The following STK32B variants were observed in gnomAD, a reference collection of about 807,000 sequenced individuals.
STK32B encodes the protein serine/threonine kinase 32B.
STK32B carries 43 observed loss-of-function variants against 52.6 expected under a neutral mutation model. That is an observed-to-expected ratio of 0.82 (90% CI 0.64 to 1.05). The LOEUF is 1.05. STK32B is among the 50% of genes least tolerant of loss of function. The pLI, the probability that STK32B is intolerant of heterozygous loss-of-function variation, is 0.00. For synonymous variants in STK32B, 238 were observed against 204.3 expected, an observed-to-expected ratio of 1.17 and a Z score of -1.41; for missense variants, 621 against 534.6, an observed-to-expected ratio of 1.16 and a Z score of -1.59.
intron 11 of STK32B, among the ~76,000 whole-genome samples, chr4:5,482,956 A>AAG (rs1245379021): frequency 1.3e-5 from 2 of 152,196 alleles, no homozygotes; most frequent in Non-Finnish European, 2.9e-5. Flanking sequence ...CATGGTGGAT[A>AAG]AGCTTTTTGA....
intron 4 of STK32B, among the ~76,000 whole-genome samples, chr4:5,341,900 G>T (rs959999340): frequency 1.3e-5 from 2 of 151,980 alleles, no homozygotes; most frequent in Non-Finnish European, 2.9e-5. Context: ...CAACCTTCAG[G>T]TTTGTTATAT....
At chr4:5,117,450 C>T (rs992286376) in intron 1 of STK32B, among the ~76,000 whole-genome samples, 1 of 152,012 alleles carries the variant, frequency 6.6e-6, no homozygotes, top group African/African-American at 2.4e-5. Flanking sequence ...TTGTCAACTC[C>T]AGATGAGAAA....
At chr4:5,216,098 C>G (rs184344383) in intron 3 of STK32B, among the ~76,000 whole-genome samples, 1 of 152,154 alleles carries the variant, frequency 6.6e-6, no homozygotes, top group Non-Finnish European at 1.5e-5. Context: ...TAGTGGTTCT[C>G]AAACCTCAGT....
chr4:5,138,397 T>G (rs1166629247), intron 1 of STK32B, among the ~76,000 whole-genome samples: 2 of 152,234 alleles, frequency 1.3e-5, no homozygotes, highest in African/African-American at 4.8e-5. Flanking sequence ...CATTTTTTTT[T>G]TTGTAAATAA....
At chr4:5,273,714 T>C (rs1727601210) in intron 3 of STK32B, among the ~76,000 whole-genome samples, 1 of 123,068 alleles carries the variant, frequency 8.1e-6, no homozygotes, top group Non-Finnish European at 1.7e-5. Flanking sequence ...AAATTGGAAA[T>C]CATCATTCTC....
chr4:5,192,048 C>T (rs560532184), intron 3 of STK32B, among the ~76,000 whole-genome samples: 21 of 152,298 alleles, frequency 1.4e-4, no homozygotes, highest in Middle Eastern at 3.4e-3. Context: ...TAGAAAACAG[C>T]ACGGAGTGAA....
chr4:5,270,938 AC>A (rs1727383737), intron 3 of STK32B, among the ~76,000 whole-genome samples: 3 of 151,016 alleles, frequency 2.0e-5, no homozygotes, highest in Admixed American at 6.6e-5. Context: ...TTCCCTCCAC[AC>A]CCCCCGCCCC....
intron 6 of STK32B, among the ~76,000 whole-genome samples, chr4:5,440,215 A>G (rs2109107307): frequency 6.6e-6 from 1 of 152,274 alleles, no homozygotes; most frequent in Admixed American, 6.5e-5. Context: ...TTTTCACGAT[A>G]TTGATTCTTC....
chr4:5,421,604 C>G (rs977877874), intron 6 of STK32B, among the ~76,000 whole-genome samples: 8 of 152,204 alleles, frequency 5.3e-5, no homozygotes, highest in African/African-American at 1.9e-4. Flanking sequence ...CTCGAGCCTC[C>G]TCAAAGGCTC....
intron 3 of STK32B, among the ~76,000 whole-genome samples, chr4:5,243,298 C>G (rs1725177785): frequency 6.6e-6 from 1 of 152,084 alleles, no homozygotes; most frequent in Non-Finnish European, 1.5e-5. Context: ...CTTCATGTCC[C>G]TTGTAAGTTG....
At position 5,240,287 on chromosome 4, in the gene STK32B, C is replaced by CT. The variant is rs200109352; in HGVS notation, c.260+71846dup. On this transcript the variant is annotated intron_variant, in intron 3 of 11. Transcript: ENST00000282908. The stretch of plus-strand genomic sequence containing the variant: ...TGATGTTTTCCCGCCAATCTTGAAT[C>CT]TTTTTTTTTCTGCTTTTTTCACTTG... Among the ~76,000 whole-genome samples the CT allele has an allele frequency of 5.8e-3, 886 of 151,504 alleles. 11 individuals carry two copies. Among genetic ancestry groups the CT allele is most frequent in the Middle Eastern group, 0.021 (6 of 292 alleles).
chr4:5,158,112 G>A (rs577009709), intron 2 of STK32B, among the ~76,000 whole-genome samples: 37 of 152,232 alleles, frequency 2.4e-4, no homozygotes, highest in African/African-American at 7.0e-4. Flanking sequence ...GCTTGCAAGC[G>A]TCGGCCAGAG....
chr4:5,258,421 G>A (rs969213441), intron 3 of STK32B, among the ~76,000 whole-genome samples: 2 of 152,128 alleles, frequency 1.3e-5, no homozygotes, highest in Non-Finnish European at 2.9e-5. Flanking sequence ...AATGTTGCTG[G>A]TGAATGTTCA....
intron 11 of STK32B, among the ~76,000 whole-genome samples, chr4:5,475,146 G>A (rs1434439341): frequency 6.6e-6 from 1 of 152,154 alleles, no homozygotes; most frequent in East Asian, 1.9e-4. Flanking sequence ...GTGTGGCCAG[G>A]CACGGTGGCT....
Position 5,467,393 on chromosome 4 carries a change from T to C in STK32B, c.1041+559T>C, listed in dbSNP as rs971192157. 1.3e-5 allele frequency among the ~76,000 whole-genome samples: 2 copies of C among 152,160 alleles called. No individual in the cohort carries two copies. Among genetic ancestry groups the C allele is most frequent in the Non-Finnish European group, 2.9e-5 (2 of 68,018 alleles). On this transcript the variant is annotated intron_variant, in intron 10 of 11. Coordinates refer to ENST00000282908, the MANE Select transcript of STK32B (RefSeq NM_018401.3). The surrounding 1 kb of genome is among the most constrained non-coding windows in gnomAD (Gnocchi z 5.8). ...CCCTTGTCCTTCGCTGGCTCGCAGC[T>C]GCATGGTTCCAGTCTCTCCCTCCGT...
At chr4:5,485,884 G>C (rs996480052) in intron 11 of STK32B, among the ~76,000 whole-genome samples, 5 of 152,174 alleles carry the variant, frequency 3.3e-5, no homozygotes, top group African/African-American at 1.2e-4. Context: ...TATCAGCAGC[G>C]AAGGCTGCAG....
At chr4:5,197,942 GT>G (rs369705305) in intron 3 of STK32B, among the ~76,000 whole-genome samples, 73 of 150,264 alleles carry the variant, frequency 4.9e-4, no homozygotes, top group African/African-American at 1.7e-3. Context: ...GTTTTCTGTT[GT>G]TTTTTTTTCC....
chr4:5,284,937 A>G (rs1015379922), intron 3 of STK32B, among the ~76,000 whole-genome samples: 3 of 152,220 alleles, frequency 2.0e-5, no homozygotes, highest in African/African-American at 4.8e-5. Flanking sequence ...AAATCATGAC[A>G]TTACAAGAAA....
chr4:5,454,605 G>A (rs949236697), intron 7 of STK32B, among the ~76,000 whole-genome samples: 4 of 152,060 alleles, frequency 2.6e-5, no homozygotes, highest in Admixed American at 2.6e-4. Context: ...GAATTTGGGG[G>A]ACACAATTTC....
Sources: gnomAD v4.1 joint callset for allele counts (sites outside exome capture counted in the v4.1 genomes callset) on GRCh38, gnomAD v4.1.1 for gene constraint, Gnocchi (gnomAD v3.1) non-coding constraint, MANE v1.5 for transcripts, NCBI Gene and HGNC (gene_info 2026-07-23, HGNC 2026-07-21) for gene names.